PXDNL: variants seen among roughly 807,000 people sequenced by gnomAD.
The protein encoded by PXDNL is probable oxidoreductase PXDNL.
In PXDNL, 145 loss-of-function variants were observed where a neutral mutation model predicts 150.8. That is an observed-to-expected ratio of 0.96 (90% confidence interval 0.84 to 1.10). PXDNL has a LOEUF of 1.10. PXDNL is among the 50% of genes least tolerant of loss of function. PXDNL has a pLI of 0.00. For missense variants in PXDNL, 2,087 were observed against 1,873.9 expected, an observed-to-expected ratio of 1.11 and a Z score of -2.10; for synonymous variants, 757 against 725.7, an observed-to-expected ratio of 1.04 and a Z score of -0.69.
At chr8:51,352,449 C>T (rs1730478466) in intron 19 of PXDNL, among the ~76,000 whole-genome samples, 1 of 152,204 alleles carries the variant, frequency 6.6e-6, no homozygotes, top group Non-Finnish European at 1.5e-5. Flanking sequence ...CCCCACATGT[C>T]CAGGGAGGGA....
chr8:51,545,881 C>G (rs1165412090), intron 4 of PXDNL, among the ~76,000 whole-genome samples: 1 of 152,180 alleles, frequency 6.6e-6, no homozygotes, highest in African/African-American at 2.4e-5. Context: ...GTCTTACATA[C>G]AAAATATGTT....
chr8:51,628,694 C>T (rs1478423471), intron 2 of PXDNL, among the ~76,000 whole-genome samples: 8 of 151,956 alleles, frequency 5.3e-5, no homozygotes, highest in African/African-American at 1.4e-4. Context: ...TGAGCCACCA[C>T]ACCCGGCCTC....
At chr8:51,506,770 G>A (rs530448378) in intron 4 of PXDNL, among the ~76,000 whole-genome samples, 3 of 152,198 alleles carry the variant, frequency 2.0e-5, no homozygotes, top group African/African-American at 7.2e-5. Context: ...GAAAAATGCA[G>A]ATTAGACCAT....
chr8:51,766,124 C>T (rs1272433500), intron 1 of PXDNL, among the ~76,000 whole-genome samples: 3 of 152,122 alleles, frequency 2.0e-5, no homozygotes, highest in African/African-American at 4.8e-5. Context: ...CGTGAGCCAC[C>T]GAGCTGTTTA....
At chr8:51,467,119 C>G (rs2130064020) in intron 8 of PXDNL, among the ~76,000 whole-genome samples, 1 of 152,200 alleles carries the variant, frequency 6.6e-6, no homozygotes, top group South Asian at 2.1e-4. Flanking sequence ...TTAGCAATAG[C>G]AAAAACATAG....
At chr8:51,323,819 G>A (rs1474398370) in intron 21 of PXDNL, among the ~76,000 whole-genome samples, 2 of 151,784 alleles carry the variant, frequency 1.3e-5, no homozygotes, top group East Asian at 3.9e-4. Context: ...GGGAGGCTGA[G>A]GCAGGATAAT....
intron 17 of PXDNL, 86 bp downstream of exon 17, chr8:51,407,981 A>T: frequency 8.2e-7 from 1 of 1,213,114 alleles, no homozygotes; most frequent in South Asian, 1.6e-5. Flanking sequence ...CCCCCAGGGA[A>T]CCAAATTCCA....
chr8:51,636,411 C>G (rs995704710), intron 2 of PXDNL, among the ~76,000 whole-genome samples: 2 of 152,122 alleles, frequency 1.3e-5, no homozygotes, highest in African/African-American at 4.8e-5. Flanking sequence ...AAAACTATCT[C>G]TATTCACAGA....
At chr8:51,431,773 C>T (rs1167085352) in intron 12 of PXDNL, among the ~76,000 whole-genome samples, 1 of 152,206 alleles carries the variant, frequency 6.6e-6, no homozygotes, top group Non-Finnish European at 1.5e-5. Context: ...TAGGTCCACG[C>T]TCAGAAACCA....
chr8:51,375,758 G>T (rs1379707784), intron 17 of PXDNL, among the ~76,000 whole-genome samples: 1 of 152,168 alleles, frequency 6.6e-6, no homozygotes, highest in African/African-American at 2.4e-5. Context: ...ATGCACAAGA[G>T]TTTCTCTAGA....
chr8:51,744,283 A>T (rs1308224148), intron 1 of PXDNL, among the ~76,000 whole-genome samples: 1 of 70,876 alleles, frequency 1.4e-5, no homozygotes, highest in Non-Finnish European at 3.0e-5. Flanking sequence ...GAAGGAAGGA[A>T]GGAAAGAAGG....
chr8:51,808,820 A>G (rs1433321171), intron 1 of PXDNL, among the ~76,000 whole-genome samples: 1 of 152,210 alleles, frequency 6.6e-6, no homozygotes, highest in Admixed American at 6.5e-5. Context: ...TGGGGCAGAC[A>G]CGTGCTGACC....
intron 4 of PXDNL, among the ~76,000 whole-genome samples, chr8:51,518,791 G>A (rs1305876619): frequency 1.3e-5 from 2 of 152,272 alleles, no homozygotes; most frequent in Admixed American, 6.5e-5. Flanking sequence ...AAGTGGCTGA[G>A]GATGAGTCTG....
chr8:51,481,548 G>A (rs1563430941), intron 6 of PXDNL, among the ~76,000 whole-genome samples: 1 of 152,216 alleles, frequency 6.6e-6, no homozygotes, highest in African/African-American at 2.4e-5. Context: ...TGGGGAAAAT[G>A]TCTCCAGGGT....
At chr8:51,360,244 T>C (rs778337066) in intron 19 of PXDNL, among the ~76,000 whole-genome samples, 99 of 152,128 alleles carry the variant, frequency 6.5e-4, no homozygotes, top group Non-Finnish European at 1.1e-3. Flanking sequence ...TGCATGTACA[T>C]ACCCATATGT....
chr8:51,723,087 A>AAAAAG (rs1025610445), intron 1 of PXDNL, among the ~76,000 whole-genome samples: 2 of 152,276 alleles, frequency 1.3e-5, no homozygotes, highest in East Asian at 1.9e-4. Context: ...CACACAATAA[A>AAAAAG]AAAAGAAAAG....
Position 51,654,683 on chromosome 8 carries a change from A to G in PXDNL, c.236+6T>C. 5.6e-6 allele frequency: 9 copies of G among 1,607,688 alleles called. No homozygotes were observed. The highest frequency in any genetic ancestry group is 6.8e-6 in the Non-Finnish European group (8 of 1,174,718). On this transcript the variant is annotated splice_donor_region_variant and intron_variant, in intron 2 of 22. Coordinates refer to ENST00000356297, the MANE Select transcript of PXDNL (RefSeq NM_144651.5). ...GGAACCTTACAGATAAGCAATAAGT[A>G]CTCACAGTGTGTTCAAATTCTTGAG...
At chr8:51,497,300 A>T (rs1811074391) in intron 5 of PXDNL, among the ~76,000 whole-genome samples, 1 of 152,208 alleles carries the variant, frequency 6.6e-6, no homozygotes, top group African/African-American at 2.4e-5. Flanking sequence ...TGGATTAAAG[A>T]CTTAAATGTT....
intron 2 of PXDNL, among the ~76,000 whole-genome samples, chr8:51,598,984 A>G (rs1043052080): frequency 2.0e-5 from 3 of 152,152 alleles, no homozygotes; most frequent in Admixed American, 6.6e-5. Context: ...GCTTACAGGA[A>G]TTTATCAATT....
Sources: gnomAD v4.1 joint callset for allele counts (sites outside exome capture counted in the v4.1 genomes callset) on GRCh38, gnomAD v4.1.1 for gene constraint, MANE v1.5 for transcripts, NCBI Gene and HGNC (gene_info 2026-07-23, HGNC 2026-07-21) for gene names.